TDRD3: variants seen among roughly 807,000 people sequenced by gnomAD.
TDRD3 encodes the protein tudor domain containing 3, also known as tudor domain-containing protein 3.
Under a neutral mutation model 86.7 loss-of-function variants are expected in TDRD3, and 45 were observed. The ratio of observed to expected loss-of-function variants is 0.52; its 90% confidence interval spans 0.41 to 0.67. The LOEUF (loss-of-function observed/expected upper bound fraction) is 0.67, where lower values mean the gene tolerates loss of function less well. Among genes scored for constraint, TDRD3 ranks in the 30% least tolerant of loss-of-function variants. The pLI is 0.00. For missense variants in TDRD3, 814 were observed against 889.0 expected (o/e 0.92, Z 1.07); for synonymous variants, 298 against 301.7 (o/e 0.99, Z 0.13).
intron 7 of TDRD3, among the ~76,000 whole-genome samples, chr13:60,493,421 G>A (rs1416590201): frequency 1.3e-5 from 2 of 151,914 alleles, no homozygotes; most frequent in Non-Finnish European, 2.9e-5. Context: ...CAGCACTTTG[G>A]GAGGGCAAGG....
chr13:60,463,266 G>A (rs1955840117), intron 4 of TDRD3, among the ~76,000 whole-genome samples: 1 of 150,458 alleles, frequency 6.6e-6, no homozygotes, highest in Non-Finnish European at 1.5e-5. Flanking sequence ...GGAGGCTGAA[G>A]CAGGAGAATC....
chr13:60,474,750 A>G (rs1956148645), intron 5 of TDRD3, among the ~76,000 whole-genome samples: 1 of 152,102 alleles, frequency 6.6e-6, no homozygotes. Flanking sequence ...TTTTTAAAAG[A>G]TATTTTTGTC....
chr13:60,454,575 G>A (rs536028031), intron 3 of TDRD3, among the ~76,000 whole-genome samples: 1 of 152,150 alleles, frequency 6.6e-6, no homozygotes, highest in South Asian at 2.1e-4. Flanking sequence ...CCTTGAGCTA[G>A]TGGGGGTGCT....
intron 1 of TDRD3, among the ~76,000 whole-genome samples, chr13:60,427,552 A>C (rs1456131355): frequency 2.6e-5 from 4 of 152,090 alleles, no homozygotes; most frequent in Non-Finnish European, 5.9e-5. Flanking sequence ...AGGTAGACAG[A>C]GTTTGGTGAT....
intron 13 of TDRD3, among the ~76,000 whole-genome samples, chr13:60,569,526 T>A (rs1382291569): frequency 6.6e-6 from 1 of 151,962 alleles, no homozygotes; most frequent in Middle Eastern, 3.2e-3. Flanking sequence ...TTTAATGAAA[T>A]CTCTATTAAA....
chr13:60,418,479 A>G (rs1467130019), intron 1 of TDRD3, among the ~76,000 whole-genome samples: 1 of 152,102 alleles, frequency 6.6e-6, no homozygotes, highest in Non-Finnish European at 1.5e-5. Context: ...GGTCAGTACC[A>G]TGGTTTTTTC....
chr13:60,541,477 T>C (rs927165919), intron 12 of TDRD3, among the ~76,000 whole-genome samples: 1 of 151,984 alleles, frequency 6.6e-6, no homozygotes, highest in Non-Finnish European at 1.5e-5. Flanking sequence ...CACGGCATTC[T>C]TTTATTTTTT....
At chr13:60,472,747 A>C in intron 5 of TDRD3, among the ~76,000 whole-genome samples, 1 of 152,214 alleles carries the variant, frequency 6.6e-6, no homozygotes, top group East Asian at 1.9e-4. Context: ...CATTATGCTA[A>C]GTGAAATAAG....
rs144671325 is a variant in TDRD3, at chr13:60,489,899, C to T, written c.717+3951C>T. Among the ~76,000 whole-genome samples, 463 of 152,066 alleles carry T rather than the reference C, an allele frequency of 3.0e-3. 5 individuals carry two copies. Among genetic ancestry groups the T allele is most frequent in the Middle Eastern group, 0.014 (4 of 294 alleles). On this transcript the variant is annotated intron_variant, in intron 7 of 13. Transcript: ENST00000377881. Reference sequence around the variant, plus strand: ...AGATGTTCTTTTGATTTACATTTATCTCAAATGAACTTTTCTACCAAGGAT... The same window carrying T: ...AGATGTTCTTTTGATTTACATTTATTTCAAATGAACTTTTCTACCAAGGAT...
intron 3 of TDRD3, among the ~76,000 whole-genome samples, chr13:60,459,696 C>G (rs1236633926): frequency 1.3e-5 from 2 of 152,228 alleles, no homozygotes; most frequent in African/African-American, 2.4e-5. Flanking sequence ...TCTCGGCTCA[C>G]TGCAACTTCC....
rs141809328 is a variant in TDRD3, at chr13:60,479,679, G to A, written c.496-4096G>A. ...TTATTTTATAAATCTGGGTGCTCCA[G>A]TGTTGGGTATATACATATTTAGGAT... On this transcript the variant is annotated intron_variant, in intron 5 of 13. Coordinates refer to ENST00000377881, the MANE Select transcript of TDRD3 (RefSeq NM_001146070.2). Among the ~76,000 whole-genome samples, 445 of 152,324 alleles carry A rather than the reference G, an allele frequency of 2.9e-3. 10 individuals are homozygous for A. Among genetic ancestry groups the A allele is most frequent in the Admixed American group, 0.027 (407 of 15,300 alleles).
chr13:60,410,994 G>T (rs1954350835), intron 1 of TDRD3, among the ~76,000 whole-genome samples: 1 of 152,154 alleles, frequency 6.6e-6, no homozygotes, highest in Non-Finnish European at 1.5e-5. Flanking sequence ...CATAATGGCT[G>T]TACAGTACCA....
chr13:60,535,568 A>T (rs1957680860), intron 12 of TDRD3: 1 of 159,318 alleles, frequency 6.3e-6, no homozygotes, highest in Admixed American at 6.4e-5. Flanking sequence ...GAATTTTACT[A>T]AATTATGTCC....
At chr13:60,421,199 A>AC (rs1229994165) in intron 1 of TDRD3, among the ~76,000 whole-genome samples, 2 of 152,108 alleles carry the variant, frequency 1.3e-5, no homozygotes, top group African/African-American at 2.4e-5. Context: ...TTAATAAAAA[A>AC]AAAGAGGTTT....
chr13:60,413,029 A>G (rs1313486910), intron 1 of TDRD3, among the ~76,000 whole-genome samples: 2 of 150,640 alleles, frequency 1.3e-5, no homozygotes, highest in Non-Finnish European at 1.5e-5. Flanking sequence ...TCCCTGCAGT[A>G]TCCCTGTACT....
intron 12 of TDRD3, 117 bp from the exon 13 acceptor site, chr13:60,567,408 T>G: frequency 7.6e-7 from 1 of 1,313,644 alleles, no homozygotes; most frequent in East Asian, 2.4e-5. Context: ...AGTTGACATG[T>G]GTGAATTCCA....
chr13:60,445,315 A>G (rs564408597), intron 3 of TDRD3, among the ~76,000 whole-genome samples: 1 of 152,334 alleles, frequency 6.6e-6, no homozygotes, highest in South Asian at 2.1e-4. Context: ...TTTGTCTTTC[A>G]TCAGGAGAAA....
At position 60,528,404 on chromosome 13, in the gene TDRD3, A is replaced by G. The variant is rs2137777420; in HGVS notation, c.1179A>G (p.Gln393=). ...AGCCACAGCAGCTTCATCAGGGACA[A>G]TACAGATCATCAAATACTGAGCAAA... ...KSQPQQLHQG[Q]YRSSNTEQNG... Residue 393 remains glutamine, a synonymous_variant, in exon 11 of 14, where the codon CAA becomes CAG. Coordinates refer to ENST00000377881, the MANE Select transcript of TDRD3 (RefSeq NM_001146070.2). The G allele has an allele frequency of 6.2e-7, 1 of 1,613,712 alleles. No individual in the cohort carries two copies. Among genetic ancestry groups the G allele is most frequent in the Non-Finnish European group, 8.5e-7 (1 of 1,179,844 alleles).
chr13:60,507,223 G>T (rs528601891), intron 8 of TDRD3, among the ~76,000 whole-genome samples: 3 of 152,104 alleles, frequency 2.0e-5, no homozygotes, highest in Non-Finnish European at 4.4e-5. Context: ...CCTACAAAGA[G>T]ATCTTAGACT....
Sources: allele counts gnomAD v4.1 joint callset (sites outside exome capture counted in the v4.1 genomes callset), GRCh38; gene constraint gnomAD v4.1.1; transcripts MANE v1.5; gene names NCBI Gene and HGNC (gene_info 2026-07-23, HGNC 2026-07-21).